The following GPHN variants were observed in gnomAD, a reference collection of about 807,000 sequenced individuals.
GPHN encodes the protein gephyrin.
GPHN carries 17 observed loss-of-function variants against 95.5 expected under a neutral mutation model. The observed-to-expected ratio is 0.18, with a 90% CI of 0.12 to 0.27. The LOEUF is 0.27. GPHN is among the 10% of genes least tolerant of loss of function. The pLI is 1.00. For missense variants in GPHN, 660 were observed against 978.1 expected, an observed-to-expected ratio of 0.67 and a Z score of 4.34; for synonymous variants, 320 against 322.5, an observed-to-expected ratio of 0.99 and a Z score of 0.08.
the GPHN span, chr14:67,467,978 AT>A: frequency 0.051 from 7,456 of 146,652 alleles, 640 homozygotes; most frequent in African/African-American, 0.17. Context: ...TGCTATTTCA[AT>A]TTTTTTTTTT....
the GPHN span, among the ~76,000 whole-genome samples, chr14:67,706,848 T>G: frequency 6.6e-6 from 1 of 152,180 alleles, no homozygotes; most frequent in Non-Finnish European, 1.5e-5. Context: ...TCTCTCTTGG[T>G]TAGGATGGTT....
intron 4 of GPHN, among the ~76,000 whole-genome samples, chr14:66,863,321 GAC>G (rs1373783596): frequency 6.6e-6 from 1 of 151,884 alleles, no homozygotes; most frequent in Non-Finnish European, 1.5e-5. Context: ...AATTGCAGAG[GAC>G]ACCAAAAACT....
the GPHN span, among the ~76,000 whole-genome samples, chr14:67,326,367 G>A: frequency 2.7e-5 from 4 of 149,844 alleles, no homozygotes; most frequent in African/African-American, 9.8e-5. Context: ...ATGTGCCACA[G>A]GTCCTAGCTT....
the GPHN span, chr14:67,695,865 G>C: frequency 1.6e-6 from 1 of 624,632 alleles, no homozygotes; most frequent in Non-Finnish European, 2.8e-6. Context: ...GGCTACGTGG[G>C]AGCGCTGCCG....
chr14:66,887,391 C>T (rs899538960), intron 5 of GPHN, among the ~76,000 whole-genome samples: 18 of 152,104 alleles, frequency 1.2e-4, no homozygotes, highest in African/African-American at 4.3e-4. Flanking sequence ...AGATTGAGAC[C>T]ATCCTGGCTA....
the GPHN span, chr14:67,690,935 C>A: frequency 3.5e-6 from 2 of 571,212 alleles, no homozygotes; most frequent in East Asian, 2.8e-5. Flanking sequence ...CAAACCAAAT[C>A]TAAATCACAG....
chr14:67,236,482 T>A, the GPHN span, among the ~76,000 whole-genome samples: 1 of 152,222 alleles, frequency 6.6e-6, no homozygotes, highest in Non-Finnish European at 1.5e-5. Context: ...TCCTCTAGGA[T>A]AAGGACTGTC....
chr14:66,659,987 C>G (rs1240704508), intron 1 of GPHN, among the ~76,000 whole-genome samples: 3 of 151,572 alleles, frequency 2.0e-5, no homozygotes, highest in Non-Finnish European at 4.4e-5. Flanking sequence ...TTCTCTTTTT[C>G]CTTTTTCCTT....
chr14:67,690,400 A>C, the GPHN span: 12 of 1,614,110 alleles, frequency 7.4e-6, no homozygotes, highest in Non-Finnish European at 1.0e-5. Context: ...CTCTAGCAGC[A>C]GATGGGTTAG....
At chr14:67,595,073 C>T in the GPHN span, among the ~76,000 whole-genome samples, 2 of 150,866 alleles carry the variant, frequency 1.3e-5, no homozygotes, top group Non-Finnish European at 3.0e-5. Flanking sequence ...GGAGGTGGAG[C>T]TTGCAGTGAG....
intron 1 of GPHN, among the ~76,000 whole-genome samples, chr14:66,588,218 A>G (rs934946202): frequency 9.9e-5 from 15 of 152,132 alleles, no homozygotes; most frequent in Non-Finnish European, 2.2e-4. Context: ...ATGTCCACCA[A>G]GAGACCCCAT....
downstream of GPHN, among the ~76,000 whole-genome samples, chr14:67,184,509 T>A (rs2083359018): frequency 2.0e-5 from 3 of 152,096 alleles, no homozygotes. Context: ...GAGAAAAGAA[T>A]GGAAAGAATT....
chr14:67,012,543 A>G (rs1242309805), intron 9 of GPHN, among the ~76,000 whole-genome samples: 1 of 152,170 alleles, frequency 6.6e-6, no homozygotes, highest in African/African-American at 2.4e-5. Context: ...TTTCCAGGCT[A>G]GGAGGGATTG....
chr14:66,688,261 G>A (rs530728309), intron 2 of GPHN, among the ~76,000 whole-genome samples: 23 of 152,176 alleles, frequency 1.5e-4, no homozygotes, highest in Middle Eastern at 3.4e-3. Flanking sequence ...ATGAGGAGGC[G>A]GAGGAAGAGG....
In GPHN at chr14:66,750,104, T is replaced by G. The variant is rs552842853; in HGVS notation, c.144-26360T>G. On this transcript the variant is annotated intron_variant, in intron 2 of 22. Transcript: ENST00000478722. Reference sequence around the variant, plus strand: ...TTGTTAATTTTAATGAAATCTAACCTACTGTTTCTTTCTTCCAAGGATGTT... The same window carrying G: ...TTGTTAATTTTAATGAAATCTAACCGACTGTTTCTTTCTTCCAAGGATGTT... Among the ~76,000 whole-genome samples, 13 of 152,050 alleles carry G rather than the reference T, an allele frequency of 8.5e-5. No homozygotes were observed. In the East Asian group the frequency reaches 2.1e-3, roughly 25 times the overall value.
At chr14:67,691,407 A>G in the GPHN span, 5 of 574,732 alleles carry the variant, frequency 8.7e-6, no homozygotes, top group East Asian at 1.4e-4. Flanking sequence ...TTAAGACTTT[A>G]GTTGAATCCC....
At chr14:66,957,110 A>G (rs1043977188) in intron 8 of GPHN, among the ~76,000 whole-genome samples, 5 of 144,886 alleles carry the variant, frequency 3.5e-5, no homozygotes, top group African/African-American at 1.2e-4. Flanking sequence ...AACTTAAAGT[A>G]TAATAATAAT....
At chr14:67,625,626 G>A in the GPHN span, among the ~76,000 whole-genome samples, 1 of 144,450 alleles carries the variant, frequency 6.9e-6, no homozygotes, top group Admixed American at 7.1e-5. Context: ...GTTGTGATGA[G>A]CCGAGATTGT....
intron 20 of GPHN, among the ~76,000 whole-genome samples, chr14:67,166,142 GT>G (rs2082263208): frequency 6.6e-6 from 1 of 152,110 alleles, no homozygotes; most frequent in Admixed American, 6.6e-5. Flanking sequence ...GCAGAAAAAT[GT>G]TAAACTTTGA....
Sources: allele counts gnomAD v4.1 joint callset (sites outside exome capture counted in the v4.1 genomes callset), GRCh38; gene constraint gnomAD v4.1.1; transcripts MANE v1.5; gene names NCBI Gene and HGNC (gene_info 2026-07-23, HGNC 2026-07-21).